The following RABGAP1L variants were observed in gnomAD, a reference collection of about 807,000 sequenced individuals.
RABGAP1L encodes rab GTPase-activating protein 1-like.
RABGAP1L carries 63 observed loss-of-function variants against 137.7 expected under a neutral mutation model. The observed-to-expected ratio is 0.46, with a 90% CI of 0.37 to 0.56. RABGAP1L has a LOEUF of 0.56. RABGAP1L is among the 20% of genes least tolerant of loss of function. The probability of loss-of-function intolerance (pLI) is 0.00; values close to 1 mark genes in which losing one functional copy is unlikely to be tolerated. For synonymous variants in RABGAP1L, 431 were observed against 433.7 expected (o/e 0.99, Z 0.08); for missense variants, 1,095 against 1,244.0 (o/e 0.88, Z 1.80).
At chr1:174,349,052 G>T (rs1381991410) in intron 11 of RABGAP1L, among the ~76,000 whole-genome samples, 25 of 135,554 alleles carry the variant, frequency 1.8e-4, no homozygotes, top group Non-Finnish European at 2.6e-4. Flanking sequence ...GGCGGGGGGG[G>T]GGCTGACCCC....
At chr1:174,616,736 G>T (rs1166355535) in intron 13 of RABGAP1L, among the ~76,000 whole-genome samples, 1 of 152,214 alleles carries the variant, frequency 6.6e-6, no homozygotes, top group Non-Finnish European at 1.5e-5. Flanking sequence ...GGATAATTCT[G>T]AATTGAGTTT....
chr1:174,706,450 C>T (rs1558002433), intron 17 of RABGAP1L, among the ~76,000 whole-genome samples: 1 of 151,978 alleles, frequency 6.6e-6, no homozygotes, highest in Non-Finnish European at 1.5e-5. Context: ...AAAAAACAAA[C>T]CTATATCTTA....
chr1:174,856,801 C>T (rs1287707598), intron 19 of RABGAP1L, among the ~76,000 whole-genome samples: 1 of 151,898 alleles, frequency 6.6e-6, no homozygotes, highest in Non-Finnish European at 1.5e-5. Context: ...CTGGTGCGCA[C>T]CTGTAATCCC....
At chr1:174,837,642 G>A (rs1488019868) in intron 19 of RABGAP1L, among the ~76,000 whole-genome samples, 1 of 152,184 alleles carries the variant, frequency 6.6e-6, no homozygotes, top group Admixed American at 6.5e-5. Flanking sequence ...GGCATTTATT[G>A]CCTCAGTTCA....
chr1:174,921,645 C>G (rs1661829061), intron 19 of RABGAP1L, among the ~76,000 whole-genome samples: 1 of 152,160 alleles, frequency 6.6e-6, no homozygotes, highest in Non-Finnish European at 1.5e-5. Context: ...ATGTGGAAAT[C>G]TCTGGTTTTA....
intron 18 of RABGAP1L, among the ~76,000 whole-genome samples, chr1:174,763,371 C>G (rs1220475546): frequency 6.9e-6 from 1 of 145,564 alleles, no homozygotes; most frequent in Non-Finnish European, 1.5e-5. Flanking sequence ...AAAAAATTGG[C>G]CGGGCGCGGT....
chr1:174,904,397 T>TCAAC (rs1436322310), intron 19 of RABGAP1L, among the ~76,000 whole-genome samples: 1 of 152,102 alleles, frequency 6.6e-6, no homozygotes, highest in Non-Finnish European at 1.5e-5. Flanking sequence ...ATTGAGACCA[T>TCAAC]CAACCATCTT....
intron 13 of RABGAP1L, among the ~76,000 whole-genome samples, chr1:174,546,703 A>T (rs1666035518): frequency 6.6e-6 from 1 of 152,202 alleles, no homozygotes; most frequent in African/African-American, 2.4e-5. Flanking sequence ...TTGTTTAGCT[A>T]TTTGTTTTTA....
At chr1:174,592,848 C>G (rs1669700136) in intron 13 of RABGAP1L, among the ~76,000 whole-genome samples, 1 of 70,844 alleles carries the variant, frequency 1.4e-5, no homozygotes, top group Non-Finnish European at 2.4e-5. Flanking sequence ...GCTTTGGTAT[C>G]AGAATGATGC....
intron 13 of RABGAP1L, among the ~76,000 whole-genome samples, chr1:174,623,924 A>T (rs965233002): frequency 6.6e-6 from 1 of 152,186 alleles, no homozygotes; most frequent in African/African-American, 2.4e-5. Context: ...ACTACACTCT[A>T]TGTCATTCAG....
In RABGAP1L at chr1:174,935,752, C is replaced by G. The variant is rs568452347; in HGVS notation, c.2341-21705C>G. Among the ~76,000 whole-genome samples, 623 of 152,124 alleles carry G rather than the reference C, an allele frequency of 4.1e-3. 7 individuals are homozygous for G. The highest frequency in any genetic ancestry group is 0.012 in the African/African-American group (508 of 41,510). ...ATCCCAGCACTTTGGGAGGCCGAGGCGGGCGGATCACCTGAGATCAGGAGT... is the reference window on the plus strand; with the variant it reads ...ATCCCAGCACTTTGGGAGGCCGAGGGGGGCGGATCACCTGAGATCAGGAGT... On this transcript the variant is annotated intron_variant, in intron 19 of 25. Coordinates refer to ENST00000681986, the MANE Select transcript of RABGAP1L (RefSeq NM_001366446.1).
intron 14 of RABGAP1L, among the ~76,000 whole-genome samples, chr1:174,677,943 A>G (rs183981454): frequency 3.3e-5 from 5 of 152,256 alleles, no homozygotes; most frequent in Admixed American, 3.3e-4. Flanking sequence ...AATGTATTTA[A>G]AAAAGAAAAA....
At chr1:174,976,514 G>A (rs886374937) in intron 22 of RABGAP1L, among the ~76,000 whole-genome samples, 1 of 152,164 alleles carries the variant, frequency 6.6e-6, no homozygotes, top group African/African-American at 2.4e-5. Flanking sequence ...CAAATTTTGT[G>A]TTGTATCTCC....
intron 10 of RABGAP1L, among the ~76,000 whole-genome samples, chr1:174,287,739 C>T (rs1286992403): frequency 6.6e-6 from 1 of 152,100 alleles, no homozygotes; most frequent in Non-Finnish European, 1.5e-5. Context: ...GTAATCTGCC[C>T]GCCTCAGCCT....
chr1:174,788,391 C>T (rs116374195), intron 18 of RABGAP1L, among the ~76,000 whole-genome samples: 1,531 of 152,272 alleles, frequency 0.01, 27 homozygotes, highest in African/African-American at 0.035. Flanking sequence ...AGCAAACCAC[C>T]TGTACTTTAG....
At chr1:174,915,494 G>A (rs1660705241) in intron 19 of RABGAP1L, among the ~76,000 whole-genome samples, 1 of 151,980 alleles carries the variant, frequency 6.6e-6, no homozygotes, top group African/African-American at 2.4e-5. Flanking sequence ...GTCTTGCTCT[G>A]TCACCAGGCT....
Position 174,993,337 on chromosome 1 carries a change from G to C in RABGAP1L, c.*3336G>C, listed in dbSNP as rs1672177639. 6.6e-6 allele frequency: 1 copy of C among 152,174 alleles called. No individual in the cohort carries two copies. The highest frequency in any genetic ancestry group is 6.5e-5 in the Admixed American group (1 of 15,280). The allele number at this position is 152,174 out of a possible 1,614,324, so 9.4% of individuals were successfully genotyped here. On this transcript the variant is annotated 3_prime_UTR_variant, in exon 26 of 26. Transcript: ENST00000681986. ...CTTCATTGGCTTTCTGAAATGTCCT[G>C]AGTAAAGTAGAAAAGCAACCTTTGT...
intron 18 of RABGAP1L, among the ~76,000 whole-genome samples, chr1:174,792,070 A>G (rs1409309743): frequency 7.9e-5 from 12 of 152,194 alleles, no homozygotes. Context: ...AGTGCAGGAA[A>G]TGCTAGGTTC....
At chr1:174,188,450 A>G (rs1277631921) in intron 1 of RABGAP1L, among the ~76,000 whole-genome samples, 1 of 152,182 alleles carries the variant, frequency 6.6e-6, no homozygotes, top group African/African-American at 2.4e-5. Flanking sequence ...ATTGTAATTG[A>G]TGAGATACAT....
Sources: gnomAD v4.1 joint callset for allele counts (sites outside exome capture counted in the v4.1 genomes callset) on GRCh38, gnomAD v4.1.1 for gene constraint, MANE v1.5 for transcripts, NCBI Gene and HGNC (gene_info 2026-07-23, HGNC 2026-07-21) for gene names.